RGL1: variants seen among roughly 807,000 people sequenced by gnomAD.
The protein encoded by RGL1 is ral guanine nucleotide dissociation stimulator-like 1.
In RGL1, 24 loss-of-function variants were observed where a neutral mutation model predicts 95.2. The observed-to-expected ratio is 0.25, with a 90% CI of 0.18 to 0.35. The LOEUF is 0.35. Ranked by LOEUF, RGL1 falls within the 10% of genes least tolerant of loss-of-function variation. The pLI is 1.00. For missense variants in RGL1, 715 were observed against 936.3 expected, an observed-to-expected ratio of 0.76 and a Z score of 3.08; for synonymous variants, 329 against 344.9, an observed-to-expected ratio of 0.95 and a Z score of 0.51.
At chr1:183,722,711 A>C (rs1008524554) in intron 1 of RGL1, among the ~76,000 whole-genome samples, 2 of 152,220 alleles carry the variant, frequency 1.3e-5, no homozygotes, top group Non-Finnish European at 2.9e-5. Flanking sequence ...GTCAATCTAA[A>C]ATTCTAGACC....
chr1:183,871,180 C>G (rs1666163558), intron 4 of RGL1, among the ~76,000 whole-genome samples: 1 of 152,192 alleles, frequency 6.6e-6, no homozygotes, highest in African/African-American at 2.4e-5. Flanking sequence ...CCTTCGACCA[C>G]TTTTCTCTGT....
At chr1:183,669,607 G>T (rs955979810) in intron 1 of RGL1, among the ~76,000 whole-genome samples, 1 of 152,160 alleles carries the variant, frequency 6.6e-6, no homozygotes, top group East Asian at 1.9e-4. Flanking sequence ...TGATGTACTG[G>T]GTAAAAAGAA....
Position 183,883,772 on chromosome 1 carries a change from C to G in RGL1, c.611-14C>G. On this transcript the variant is annotated splice_polypyrimidine_tract_variant and intron_variant, in intron 5 of 17. Transcript: ENST00000360851. ...ACTGGCGCCAAATTACTAATCTTTT[C>G]CATATGTGAACAGATGGGCTTCCCA... 1 of 1,613,538 alleles carries G rather than the reference C, an allele frequency of 6.2e-7. No homozygotes were observed. The highest frequency in any genetic ancestry group is 8.5e-7 in the Non-Finnish European group (1 of 1,179,600).
At chr1:183,903,782 A>G (rs1357373754) in intron 12 of RGL1, among the ~76,000 whole-genome samples, 1 of 152,234 alleles carries the variant, frequency 6.6e-6, no homozygotes, top group Admixed American at 6.5e-5. Flanking sequence ...TTGAAGTTAA[A>G]ACCAAAAAGG....
intron 4 of RGL1, among the ~76,000 whole-genome samples, chr1:183,873,988 G>A (rs1438100907): frequency 6.6e-6 from 1 of 152,080 alleles, no homozygotes; most frequent in East Asian, 1.9e-4. Context: ...TTTTTCAATA[G>A]AGTTCTATTT....
intron 4 of RGL1, 41 bp downstream of exon 4, chr1:183,866,114 G>T: frequency 6.8e-7 from 1 of 1,481,224 alleles, no homozygotes; most frequent in Non-Finnish European, 9.4e-7. Context: ...TCTCAGTCAA[G>T]ACAATATCTT....
At chr1:183,829,180 C>G (rs1357005053) in intron 2 of RGL1, among the ~76,000 whole-genome samples, 8 of 152,084 alleles carry the variant, frequency 5.3e-5, no homozygotes, top group African/African-American at 7.2e-5. Context: ...GGCATGGTGG[C>G]TCATGCCTGT....
chr1:183,746,888 A>G (rs1185844285), intron 2 of RGL1, among the ~76,000 whole-genome samples: 1 of 151,956 alleles, frequency 6.6e-6, no homozygotes, highest in Non-Finnish European at 1.5e-5. Flanking sequence ...CCCACTTATG[A>G]GTGAGAACAT....
At chr1:183,647,865 A>C in intron 1 of RGL1, 2 of 1,614,126 alleles carry the variant, frequency 1.2e-6, no homozygotes, top group Non-Finnish European at 1.7e-6. Context: ...GTTTTGGCCC[A>C]TATGCATTGG....
intron 10 of RGL1, among the ~76,000 whole-genome samples, chr1:183,898,412 T>C (rs1667825365): frequency 6.6e-6 from 1 of 152,158 alleles, no homozygotes; most frequent in South Asian, 2.1e-4. Flanking sequence ...ATCTTTATAG[T>C]TTTTCAATAT....
intron 1 of RGL1, among the ~76,000 whole-genome samples, chr1:183,659,600 C>T (rs534445550): frequency 9.1e-4 from 139 of 152,128 alleles, no homozygotes; most frequent in African/African-American, 2.8e-3. Flanking sequence ...CTGAAAGTGA[C>T]GGGGAGAATG....
intron 1 of RGL1, among the ~76,000 whole-genome samples, chr1:183,685,622 A>T (rs1043368191): frequency 1.6e-4 from 24 of 152,200 alleles, no homozygotes; most frequent in African/African-American, 5.5e-4. Context: ...AGCAGCTCTA[A>T]TGTGTAATAA....
chr1:183,760,503 A>G (rs1658597364), intron 2 of RGL1, among the ~76,000 whole-genome samples: 1 of 137,990 alleles, frequency 7.2e-6, no homozygotes, highest in Non-Finnish European at 1.5e-5. Flanking sequence ...AGGCTGAGGT[A>G]GGAGGATTGC....
chr1:183,712,200 A>G (rs1465454225), intron 1 of RGL1, among the ~76,000 whole-genome samples: 1 of 152,218 alleles, frequency 6.6e-6, no homozygotes, highest in Non-Finnish European at 1.5e-5. Context: ...GATGTTGCAC[A>G]GAACTAGTTT....
At chr1:183,822,280 C>A (rs1662541148) in intron 2 of RGL1, among the ~76,000 whole-genome samples, 2 of 152,086 alleles carry the variant, frequency 1.3e-5, no homozygotes, top group Admixed American at 1.3e-4. Context: ...CTCCTGGAGC[C>A]AGATTCTTTA....
chr1:183,891,212 A>C (rs975792645), intron 8 of RGL1, among the ~76,000 whole-genome samples: 1 of 152,172 alleles, frequency 6.6e-6, no homozygotes, highest in African/African-American at 2.4e-5. Context: ...TTTTTTCATA[A>C]TAATGAAAAT....
At chr1:183,863,302 T>TTTCTTC (rs759260181) in intron 3 of RGL1, among the ~76,000 whole-genome samples, 1 of 152,058 alleles carries the variant, frequency 6.6e-6, no homozygotes, top group Non-Finnish European at 1.5e-5. Context: ...CTTTTTCTTT[T>TTTCTTC]TTCTTCTTCT....
intron 13 of RGL1, 77 bp from the exon 14 acceptor site, chr1:183,906,935 C>A: frequency 1.2e-6 from 1 of 830,134 alleles, no homozygotes; most frequent in Non-Finnish European, 2.0e-6. Context: ...TAAAACAAAA[C>A]CAGGACATCA....
intron 2 of RGL1, among the ~76,000 whole-genome samples, chr1:183,807,032 T>C (rs1038471110): frequency 6.6e-6 from 1 of 152,160 alleles, no homozygotes; most frequent in Non-Finnish European, 1.5e-5. Context: ...CACTACTTTG[T>C]GTGTAGAGTG....
Sources: gnomAD v4.1 joint callset for allele counts (sites outside exome capture counted in the v4.1 genomes callset) on GRCh38, gnomAD v4.1.1 for gene constraint, MANE v1.5 for transcripts, NCBI Gene and HGNC (gene_info 2026-07-23, HGNC 2026-07-21) for gene names.